Variants in LIPA observed in about 807,000 individuals in gnomAD.
The protein encoded by LIPA is lysosomal acid lipase/cholesteryl ester hydrolase.
LIPA carries 26 observed loss-of-function variants against 40.6 expected under a neutral mutation model. That is an observed-to-expected ratio of 0.64 (90% CI 0.47 to 0.89). LIPA has a LOEUF of 0.89. Ranked by LOEUF, LIPA falls within the 40% of genes least tolerant of loss-of-function variation. The pLI, the probability that LIPA is intolerant of heterozygous loss-of-function variation, is 0.00. For synonymous variants in LIPA, 188 were observed against 168.4 expected (o/e 1.12, Z -0.90); for missense variants, 455 against 479.6 (o/e 0.95, Z 0.48).
intron 2 of LIPA, among the ~76,000 whole-genome samples, chr10:89,356,153 C>G (rs1358518553): frequency 1.3e-5 from 2 of 152,114 alleles, no homozygotes; most frequent in African/African-American, 2.4e-5. Flanking sequence ...ATTGGGACCC[C>G]TTTCCTGTAA....
chr10:89,394,483 G>T (rs929625633), intron 2 of LIPA, among the ~76,000 whole-genome samples: 7 of 151,236 alleles, frequency 4.6e-5, no homozygotes, highest in Non-Finnish European at 1.5e-5. Flanking sequence ...CCCAAAGGGT[G>T]TCAGTGGGGG....
At chr10:89,245,850 C>T (rs775276088) in intron 2 of LIPA, 57 bp from the exon 3 acceptor site, 130 of 861,068 alleles carry the variant, frequency 1.5e-4, no homozygotes, top group Non-Finnish European at 2.5e-4. Flanking sequence ...CAGTCTCCCA[C>T]ATTAACAAGC....
intron 1 of LIPA, among the ~76,000 whole-genome samples, chr10:89,317,839 G>A (rs981090871): frequency 2.0e-5 from 3 of 152,204 alleles, no homozygotes; most frequent in African/African-American, 7.2e-5. Context: ...TACCCACAAA[G>A]GGAAGCCCAT....
At chr10:89,414,674 G>T, upstream of LIPA, 3 of 1,166,188 alleles carry the variant, frequency 2.6e-6, no homozygotes, top group Non-Finnish European at 3.5e-6. Flanking sequence ...TCCAGGGGCT[G>T]CAGAGGCCTG....
intron 1 of LIPA, among the ~76,000 whole-genome samples, chr10:89,278,813 CAT>C (rs1843302274): frequency 6.6e-6 from 1 of 151,076 alleles, no homozygotes; most frequent in African/African-American, 2.4e-5. Context: ...ATATTATTTA[CAT>C]ATGTTTATAT....
chr10:89,315,184 G>A (rs1039741396), intron 1 of LIPA, among the ~76,000 whole-genome samples: 3 of 152,058 alleles, frequency 2.0e-5, no homozygotes, highest in Admixed American at 6.5e-5. Context: ...TCTAAAGCAC[G>A]GGGCCAAAGG....
intron 2 of LIPA, chr10:89,403,743 A>C: frequency 1.7e-6 from 2 of 1,167,634 alleles, no homozygotes; most frequent in South Asian, 1.4e-5. Flanking sequence ...TTCACATTTC[A>C]TTTCATTTTA....
At chr10:89,298,667 A>C (rs1290997896) in intron 1 of LIPA, among the ~76,000 whole-genome samples, 4 of 152,174 alleles carry the variant, frequency 2.6e-5, no homozygotes, top group African/African-American at 9.7e-5. Flanking sequence ...AACAGATCCC[A>C]ATCAAAAAGA....
intron 1 of LIPA, chr10:89,328,029 C>G: frequency 2.5e-6 from 4 of 1,612,494 alleles, no homozygotes; most frequent in Non-Finnish European, 3.4e-6. Flanking sequence ...AACAAATCAG[C>G]CTGGTCACCA....
At chr10:89,311,515 A>G (rs376450875) in intron 1 of LIPA, among the ~76,000 whole-genome samples, 20 of 116,604 alleles carry the variant, frequency 1.7e-4, no homozygotes, top group African/African-American at 6.3e-4. Flanking sequence ...ACAGAGGTAG[A>G]CCCTGTCTCA....
In LIPA at chr10:89,225,313, CCTCTCGCGGA is replaced by C. The variant is rs568749520; in HGVS notation, c.539-95_539-86del. On this transcript the variant is annotated intron_variant, in intron 5 of 9. Coordinates refer to ENST00000336233, the MANE Select transcript of LIPA (RefSeq NM_000235.4). ...ACACAAAGGCCGTCACTCGCGACGC[CCTCTCGCGGA>C]GGCCTGAGACCCACGCAAACAATAC... 3.9e-4 allele frequency: 475 copies of C among 1,212,556 alleles called. 6 individuals carry two copies. In the South Asian group the frequency reaches 6.4e-3, roughly 16 times the overall value. 75.1% of individuals were successfully genotyped at this position (1,212,556 alleles called of 1,614,324 possible). A position where few individuals can be genotyped will look rare whatever the true frequency, so the allele number is the denominator to read the frequency against.
intron 2 of LIPA, among the ~76,000 whole-genome samples, chr10:89,356,814 AC>A (rs1379713673): frequency 1.3e-5 from 2 of 152,236 alleles, no homozygotes; most frequent in African/African-American, 4.8e-5. Context: ...ACTGACTTCC[AC>A]AAAACCAGTC....
intron 1 of LIPA, among the ~76,000 whole-genome samples, chr10:89,295,849 G>A (rs1843410439): frequency 6.6e-6 from 1 of 152,174 alleles, no homozygotes; most frequent in Non-Finnish European, 1.5e-5. Flanking sequence ...CTTTTCAGTT[G>A]CTATTTTGCA....
chr10:89,230,195 T>C (rs1184363048), intron 3 of LIPA, among the ~76,000 whole-genome samples: 1 of 152,212 alleles, frequency 6.6e-6, no homozygotes, highest in African/African-American at 2.4e-5. Flanking sequence ...GTACCAACTA[T>C]GTGCCAGGCC....
intron 2 of LIPA, among the ~76,000 whole-genome samples, chr10:89,347,933 A>T (rs528623025): frequency 3.3e-5 from 5 of 152,236 alleles, no homozygotes. Context: ...CAGGTTTACA[A>T]CCCCCACCAT....
chr10:89,366,002 C>T (rs930129828), intron 2 of LIPA, among the ~76,000 whole-genome samples: 17 of 152,140 alleles, frequency 1.1e-4, no homozygotes, highest in African/African-American at 3.1e-4. Flanking sequence ...TCATTGGTAG[C>T]TTGATGGGGA....
At chr10:89,333,464 G>A (rs994445578) in intron 1 of LIPA, among the ~76,000 whole-genome samples, 2 of 152,136 alleles carry the variant, frequency 1.3e-5, no homozygotes, top group African/African-American at 4.8e-5. Context: ...AAGGCTTCCT[G>A]CATTGTATGT....
chr10:89,377,278 C>G (rs1012434152), intron 2 of LIPA, among the ~76,000 whole-genome samples: 1 of 152,192 alleles, frequency 6.6e-6, no homozygotes, highest in Non-Finnish European at 1.5e-5. Flanking sequence ...AACATAAGGA[C>G]AACTCAGAAG....
At chr10:89,250,345 C>A (rs544354301) in intron 1 of LIPA, among the ~76,000 whole-genome samples, 49 of 152,090 alleles carry the variant, frequency 3.2e-4, no homozygotes, top group African/African-American at 1.0e-3. Flanking sequence ...CCTCGTGATC[C>A]GCCGGCCTCG....
Sources: allele counts gnomAD v4.1 joint callset (sites outside exome capture counted in the v4.1 genomes callset), GRCh38; gene constraint gnomAD v4.1.1; transcripts MANE v1.5; gene names NCBI Gene and HGNC (gene_info 2026-07-23, HGNC 2026-07-21).